Variants in ZNF131 observed in about 807,000 individuals in gnomAD.
ZNF131 encodes zinc finger protein 131.
A neutral mutation model predicts 60.0 loss-of-function variants in ZNF131; 7 were observed. The ratio of observed to expected loss-of-function variants is 0.12; its 90% CI spans 0.07 to 0.22. The LOEUF is 0.22. Ranked by LOEUF, ZNF131 falls within the 10% of genes least tolerant of loss-of-function variation. The probability of loss-of-function intolerance (pLI) is 1.00; values close to 1 mark genes in which losing one functional copy is unlikely to be tolerated. For synonymous variants in ZNF131, 257 were observed against 253.2 expected (o/e 1.01, Z -0.14); for missense variants, 493 against 740.9 (o/e 0.67, Z 3.88).
chr5:43,166,993 G>A (rs1386006058), intron 5 of ZNF131, among the ~76,000 whole-genome samples: 1 of 152,202 alleles, frequency 6.6e-6, no homozygotes, highest in African/African-American at 2.4e-5. Context: ...CTTAGAGGCT[G>A]TTGTAAGGTT....
At chr5:43,154,081 G>A (rs1463552801) in intron 4 of ZNF131, among the ~76,000 whole-genome samples, 1 of 152,182 alleles carries the variant, frequency 6.6e-6, no homozygotes, top group Non-Finnish European at 1.5e-5. Flanking sequence ...TCCAGAACCA[G>A]CTGATGAAAC....
intron 4 of ZNF131, among the ~76,000 whole-genome samples, chr5:43,157,209 G>T (rs35230086): frequency 1.6e-4 from 25 of 152,262 alleles, no homozygotes; most frequent in African/African-American, 5.3e-4. Flanking sequence ...AAATGAATCA[G>T]AGGTGGACAT....
chr5:43,161,687 T>C lies in ZNF131; in HGVS notation c.810T>C (p.Phe270=). ...LFHCEKCNRS[F]KLFYHFKEHM... Reference sequence around the variant, plus strand: ...ATTGTGAGAAATGTAACCGTTCATTTAAATTGTTTTACCATTTTAAGGAGC... The same window carrying C: ...ATTGTGAGAAATGTAACCGTTCATTCAAATTGTTTTACCATTTTAAGGAGC... The change falls in exon 5 of 7, where the codon TTT becomes TTC. Residue 270 remains phenylalanine, a synonymous_variant. Coordinates refer to ENST00000682664, the MANE Select transcript of ZNF131 (RefSeq NM_001330707.2). The C allele has an allele frequency of 6.2e-7, 1 of 1,614,258 alleles. No individual in the cohort carries two copies. Among genetic ancestry groups the C allele is most frequent in the Non-Finnish European group, 8.5e-7 (1 of 1,180,032 alleles).
chr5:43,168,009 G>C (rs1750569679), intron 5 of ZNF131: 2 of 448,170 alleles, frequency 4.5e-6, no homozygotes, highest in Non-Finnish European at 4.5e-6. Flanking sequence ...AGAGTCCTGA[G>C]GCCATGCAGG....
At chr5:43,129,177 C>G (rs1030604512) in intron 3 of ZNF131, among the ~76,000 whole-genome samples, 2 of 152,070 alleles carry the variant, frequency 1.3e-5, no homozygotes, top group Admixed American at 6.6e-5. Flanking sequence ...CTAAAGTGAT[C>G]TGCGTGCTTC....
intron 3 of ZNF131, among the ~76,000 whole-genome samples, chr5:43,130,264 C>CAGAAAAAAAAA (rs1745145769): frequency 1.5e-5 from 1 of 68,406 alleles, no homozygotes; most frequent in Admixed American, 2.1e-4. Context: ...ACTCTGTCTC[C>CAGAAAAAAAAA]AAAAAAAAAA....
Position 43,151,509 on chromosome 5 carries a change from G to A in ZNF131, c.372-9740G>A, listed in dbSNP as rs6897663. Among the ~76,000 whole-genome samples, 804 of 151,688 alleles carry A rather than the reference G, an allele frequency of 5.3e-3. 3 individuals are homozygous for A. Among genetic ancestry groups the A allele is most frequent in the African/African-American group, 0.019 (771 of 41,364 alleles). Reference sequence around the variant, plus strand: ...GAGTGCAGTGACGCAATCTCAGTTCGCTGCAACCTCTGCCTTCTGGGCTCA... The same window carrying A: ...GAGTGCAGTGACGCAATCTCAGTTCACTGCAACCTCTGCCTTCTGGGCTCA... On this transcript the variant is annotated intron_variant, in intron 4 of 6. Coordinates refer to ENST00000682664, the MANE Select transcript of ZNF131 (RefSeq NM_001330707.2).
chr5:43,173,922 A>G (rs577908977), intron 6 of ZNF131, among the ~76,000 whole-genome samples: 99 of 152,252 alleles, frequency 6.5e-4, no homozygotes, highest in Non-Finnish European at 1.0e-3. Flanking sequence ...CAGTATTGAA[A>G]TGTTTCTCAA....
At chr5:43,143,898 CTTTTTTTTTTTTTTTTTTTT>C (rs79246574) in intron 4 of ZNF131, among the ~76,000 whole-genome samples, 40 of 34,994 alleles carry the variant, frequency 1.1e-3, no homozygotes, top group South Asian at 2.4e-3. Flanking sequence ...ATTGTCAGAG[CTTTTTTTTTTTTTTTTTTTT>C]TTTTTTTTTT....
Position 43,173,521 on chromosome 5 carries a change from A to G in ZNF131, c.1185+73A>G, listed in dbSNP as rs943577754. The G allele has an allele frequency of 2.3e-5, 35 of 1,536,576 alleles. No individual in the cohort carries two copies. In the African/African-American group the frequency reaches 4.1e-4, roughly 18 times the overall value. Reference sequence around the variant, plus strand: ...TTGCAGTCATCAAAAGCAAAGGGAAACAGAGTCTCAAGCAAAGGTATAGGG... The same window carrying G: ...TTGCAGTCATCAAAAGCAAAGGGAAGCAGAGTCTCAAGCAAAGGTATAGGG... On this transcript the variant is annotated intron_variant, in intron 6 of 6. Coordinates refer to ENST00000682664, the MANE Select transcript of ZNF131 (RefSeq NM_001330707.2).
intron 4 of ZNF131, among the ~76,000 whole-genome samples, chr5:43,152,691 T>C (rs954338158): frequency 1.3e-5 from 2 of 152,146 alleles, no homozygotes; most frequent in African/African-American, 4.8e-5. Flanking sequence ...ACTGCAGCTG[T>C]AACTTTCCAG....
rs1748853597 is a variant in ZNF131, at chr5:43,155,549, G to C, written c.372-5700G>C. Among the ~76,000 whole-genome samples the C allele has an allele frequency of 2.0e-5, 3 of 152,142 alleles. No individual in the cohort carries two copies. In the South Asian group the frequency reaches 6.2e-4, roughly 31 times the overall value. On this transcript the variant is annotated intron_variant, in intron 4 of 6. Transcript: ENST00000682664. ...TTCATTAGCGTTGTGGGGCCCTAAA[G>C]GTAGAGAGAATGCACTGCAGTTCGA...
intron 4 of ZNF131, among the ~76,000 whole-genome samples, chr5:43,160,870 G>A (rs527886128): frequency 7.2e-5 from 11 of 151,802 alleles, no homozygotes; most frequent in Non-Finnish European, 1.6e-4. Flanking sequence ...TAGTAGAGAC[G>A]AGATTTCCCC....
At chr5:43,171,636 T>A (rs561812045) in intron 5 of ZNF131, among the ~76,000 whole-genome samples, 14 of 152,184 alleles carry the variant, frequency 9.2e-5, no homozygotes, top group South Asian at 2.1e-4. Context: ...TTATTTATTT[T>A]TTTTGAGATG....
chr5:43,126,524 G>C (rs889855312), intron 3 of ZNF131, among the ~76,000 whole-genome samples: 1 of 152,102 alleles, frequency 6.6e-6, no homozygotes, highest in Non-Finnish European at 1.5e-5. Context: ...TCTTCTCTCC[G>C]TGACTTCCCT....
At chr5:43,156,473 G>A (rs1748976838) in intron 4 of ZNF131, among the ~76,000 whole-genome samples, 1 of 152,232 alleles carries the variant, frequency 6.6e-6, no homozygotes, top group Non-Finnish European at 1.5e-5. Context: ...TGTGGAGGGA[G>A]AAAAGTGACT....
chr5:43,148,103 G>T (rs1359926360), intron 4 of ZNF131, among the ~76,000 whole-genome samples: 1 of 149,276 alleles, frequency 6.7e-6, no homozygotes, highest in African/African-American at 2.5e-5. Context: ...TGGGTATGGT[G>T]GCACATGCCT....
At chr5:43,142,796 A>C (rs909001618) in intron 4 of ZNF131, among the ~76,000 whole-genome samples, 8 of 151,402 alleles carry the variant, frequency 5.3e-5, no homozygotes, top group Admixed American at 2.0e-4. Context: ...GCCTCAAGAG[A>C]TCCTCCCACC....
At position 43,171,767 on chromosome 5, in the gene ZNF131, G is replaced by A. The variant is rs113222093; in HGVS notation, c.1055-1551G>A. 7.9e-5 allele frequency among the ~76,000 whole-genome samples: 12 copies of A among 152,172 alleles called. No homozygotes were observed. The East Asian group carries it at 1.5e-3, about 20-fold the overall frequency. On this transcript the variant is annotated intron_variant, in intron 5 of 6. Coordinates refer to ENST00000682664, the MANE Select transcript of ZNF131 (RefSeq NM_001330707.2). ...CCCAGGTAGCTGGGACTACAGGCTC[G>A]TGCCAGCATGCCCAGCTAATTTTTG...
Sources: allele counts gnomAD v4.1 joint callset (sites outside exome capture counted in the v4.1 genomes callset), GRCh38; gene constraint gnomAD v4.1.1; transcripts MANE v1.5; gene names NCBI Gene and HGNC (gene_info 2026-07-23, HGNC 2026-07-21).